CPNE9: variants seen among roughly 807,000 people sequenced by gnomAD.
The protein encoded by CPNE9 is copine-9.
CPNE9 carries 59 observed loss-of-function variants against 83.0 expected under a neutral mutation model. That is an observed-to-expected ratio of 0.71 (90% CI 0.58 to 0.88). CPNE9 has a LOEUF of 0.88. Ranked by LOEUF, CPNE9 falls within the 40% of genes least tolerant of loss-of-function variation. The pLI is 0.00. For missense variants in CPNE9, 619 were observed against 720.8 expected, an observed-to-expected ratio of 0.86 and a Z score of 1.62; for synonymous variants, 256 against 273.4, an observed-to-expected ratio of 0.94 and a Z score of 0.63.
rs199885605 is a variant in CPNE9 at position 9,727,143 on chromosome 3, G to A, written c.1433G>A (p.Arg478His). The A allele has an allele frequency of 8.3e-4, 1,335 of 1,614,204 alleles. 1 individual carries two copies. Among genetic ancestry groups the A allele is most frequent in the Middle Eastern group, 1.2e-3 (7 of 6,062 alleles). ...AMEELDGDDV[R>H]VSSRGRYAER... ...GAAGAGTTGGACGGTGATGATGTGC[G>A]CGTGTCCTCTAGGGGACGCTACGCA... Residue 478 changes from arginine (R) to histidine (H), a missense_variant, in exon 20 of 21, where the codon CGC becomes CAC. This residue lies in a region of CPNE9 where 438 missense variants were observed against 562.9 expected (regional missense o/e 0.78). Transcript: ENST00000383832.
intron 15 of CPNE9, 137 bp from the exon 16 acceptor site, chr3:9,717,888 ATGAT>A: frequency 1.5e-6 from 1 of 658,594 alleles, no homozygotes; most frequent in Non-Finnish European, 2.5e-6. Context: ...GAACAAATGG[ATGAT>A]TGGGTAAAAT....
In CPNE9 at chr3:9,725,983, T is replaced by A. The variant is rs749713464; in HGVS notation, c.1276T>A (p.Tyr426Asn). ...CAAGATCTCTGATGGCTCCCAGTAC[T>A]ATGTTCTGCTCATCATCACTGATGG... ...AAKISDGSQY[Y>N]VLLIITDGVI... The change falls in exon 18 of 21, where the codon TAT (tyrosine) becomes AAT (asparagine). Residue 426 changes from tyrosine (Y) to asparagine (N), a missense_variant. Coordinates refer to ENST00000383832, the MANE Select transcript of CPNE9 (RefSeq NM_153635.3). 4.3e-6 allele frequency: 7 copies of A among 1,613,500 alleles called. No individual in the cohort carries two copies. The highest frequency in any genetic ancestry group is 5.9e-6 in the Non-Finnish European group (7 of 1,179,642).
At chr3:9,719,641 G>A (rs1011253884) in intron 17 of CPNE9, among the ~76,000 whole-genome samples, 1 of 152,112 alleles carries the variant, frequency 6.6e-6, no homozygotes, top group African/African-American at 2.4e-5. Flanking sequence ...CATGGTACAT[G>A]CTCCATAAAT....
chr3:9,725,009 G>A (rs572832784), intron 17 of CPNE9, among the ~76,000 whole-genome samples: 13 of 151,844 alleles, frequency 8.6e-5, no homozygotes, highest in African/African-American at 2.4e-4. Context: ...CGCCCACCTC[G>A]GCCTCCCAAA....
chr3:9,717,025 C>T (rs2076689946), intron 14 of CPNE9, 33 bp from the exon 15 acceptor site: 1 of 1,609,254 alleles, frequency 6.2e-7, no homozygotes, highest in South Asian at 1.1e-5. Flanking sequence ...ATCATTAGTT[C>T]CTCACTTCTC....
At position 9,704,008 on chromosome 3, in the gene CPNE9, C is replaced by T. The variant is rs752238745; in HGVS notation, c.12C>T (p.Gly4=). 2 of 1,606,428 alleles carry T rather than the reference C, an allele frequency of 1.2e-6. No homozygotes were observed. The highest frequency in any genetic ancestry group is 1.7e-6 in the Non-Finnish European group (2 of 1,178,190). ...TCGCCCGACCAGCCATGTCTCTCGG[C>T]GGAGCCTCCGAGCGCAGCGTCCCGG... MSL[G]GASERSVPAT... is the part of the protein sequence containing the mutation. The change falls in exon 1 of 21, where the codon GGC becomes GGT. Residue 4 remains glycine, a synonymous_variant. Coordinates refer to ENST00000383832, the MANE Select transcript of CPNE9 (RefSeq NM_153635.3). This position sits in a 1 kb window ranked among gnomAD's most constrained non-coding sequence, Gnocchi z 7.1.
At chr3:9,705,631 G>C in intron 5 of CPNE9, 87 bp from the exon 6 acceptor site, 1 of 1,578,484 alleles carries the variant, frequency 6.3e-7, no homozygotes, top group Non-Finnish European at 8.7e-7. Context: ...CACCCTCCTG[G>C]TCCCTCTCCT....
intron 7 of CPNE9, among the ~76,000 whole-genome samples, chr3:9,711,585 A>G (rs1298796505): frequency 6.6e-6 from 1 of 152,204 alleles, no homozygotes; most frequent in Non-Finnish European, 1.5e-5. Context: ...AGATCAAAGG[A>G]GCCAAAGAAA....
chr3:9,729,614 T>A lies in CPNE9; in HGVS notation c.1584T>A (p.Tyr528Ter). ...LAEIPEQLLS[Y>*]MRTRDIQPRP... ...AGATCCCGGAGCAGCTGCTGTCCTA[T>A]ATGCGCACCAGAGACATCCAGCCTC... Residue 528 changes from tyrosine (Y) to a stop codon, truncating the protein, a stop_gained, in exon 21 of 21, where the codon TAT becomes TAA. Transcript: ENST00000383832. LOFTEE classifies it high-confidence loss of function. 1.9e-6 allele frequency: 3 copies of A among 1,614,090 alleles called. No homozygotes were observed. The highest frequency in any genetic ancestry group is 2.5e-6 in the Non-Finnish European group (3 of 1,180,012).
Position 9,712,840 on chromosome 3 carries a change from C to A in CPNE9, c.545+12C>A. The stretch of plus-strand genomic sequence containing the variant: ...AATGAGGATGGCACGTGAGTCACTG[C>A]CATCAGGGCTGTTAGGCTGGGGTGG... On this transcript the variant is annotated intron_variant, in intron 9 of 20. Coordinates refer to ENST00000383832, the MANE Select transcript of CPNE9 (RefSeq NM_153635.3). The A allele has an allele frequency of 6.2e-7, 1 of 1,608,876 alleles. No individual in the cohort carries two copies. The highest frequency in any genetic ancestry group is 8.5e-7 in the Non-Finnish European group (1 of 1,175,448).
Position 9,704,559 on chromosome 3 carries a change from A to T in CPNE9, c.69-28A>T. The T allele has an allele frequency of 6.2e-7, 1 of 1,604,464 alleles. No homozygotes were observed. The highest frequency in any genetic ancestry group is 8.5e-7 in the Non-Finnish European group (1 of 1,171,748). On this transcript the variant is annotated intron_variant, in intron 1 of 20. Transcript: ENST00000383832. This position sits in a 1 kb window ranked among gnomAD's most constrained non-coding sequence, Gnocchi z 7.1. The stretch of plus-strand genomic sequence containing the variant: ...AGGCGGGCGGACTCCAGGATGATCC[A>T]CTCTGTCTGTCTGTTGCTTTTCTCT...
intron 10 of CPNE9, among the ~76,000 whole-genome samples, chr3:9,713,773 T>G (rs1273190520): frequency 6.6e-6 from 1 of 151,916 alleles, no homozygotes; most frequent in Non-Finnish European, 1.5e-5. Context: ...ATGGGTAGTA[T>G]AAAGACAGAT....
At position 9,706,291 on chromosome 3, in the gene CPNE9, G is replaced by GTT. The variant is rs2076564472; in HGVS notation, c.377+230_377+231dup. On this transcript the variant is annotated intron_variant, in intron 7 of 20. Transcript: ENST00000383832. ...TTTTTTTTTTTCTCTCTCTCTCTCT[G>GTT]TTTCTCTCTCTCTCTCCTCACTCTT... Among the ~76,000 whole-genome samples the GTT allele has an allele frequency of 3.4e-5, 5 of 145,098 alleles. No homozygotes were observed. In the East Asian group the frequency reaches 5.9e-4, roughly 17 times the overall value.
intron 7 of CPNE9, among the ~76,000 whole-genome samples, chr3:9,707,647 T>C (rs2076577636): frequency 6.7e-6 from 1 of 150,220 alleles, no homozygotes; most frequent in Non-Finnish European, 1.5e-5. Context: ...AAGCCAGGCA[T>C]GGTGGTGTGC....
At chr3:9,719,543 A>C (rs2076716391) in intron 17 of CPNE9, among the ~76,000 whole-genome samples, 1 of 152,206 alleles carries the variant, frequency 6.6e-6, no homozygotes, top group Admixed American at 6.5e-5. Context: ...GTGGTGTCAT[A>C]ATGGATGACA....
chr3:9,704,001 C>T lies in CPNE9; in HGVS notation c.5C>T (p.Ser2Phe), dbSNP rs1335386439. MSLGGASERSVP... is the reference protein window; with the variant it reads MFLGGASERSVP... ...GCTCTGGTCGCCCGACCAGCCATGT[C>T]TCTCGGCGGAGCCTCCGAGCGCAGC... The change falls in exon 1 of 21, where the codon TCT becomes TTT. Residue 2 changes from serine to phenylalanine, a missense_variant. Ser to Phe is a radical substitution (Grantham distance 155, BLOSUM62 -2). Coordinates refer to ENST00000383832, the MANE Select transcript of CPNE9 (RefSeq NM_153635.3). This position sits in a 1 kb window ranked among gnomAD's most constrained non-coding sequence, Gnocchi z 7.1. 6.2e-7 allele frequency: 1 copy of T among 1,605,692 alleles called. No individual in the cohort carries two copies.
At chr3:9,720,824 T>C (rs760621008) in intron 17 of CPNE9, among the ~76,000 whole-genome samples, 2 of 152,192 alleles carry the variant, frequency 1.3e-5, no homozygotes. Context: ...CAATGCACCA[T>C]TGAGTGTGGT....
intron 15 of CPNE9, among the ~76,000 whole-genome samples, chr3:9,717,467 G>A (rs1221269609): frequency 6.6e-6 from 1 of 152,164 alleles, no homozygotes; most frequent in Non-Finnish European, 1.5e-5. Context: ...TAGATGCATC[G>A]ATGGGTATGT....
chr3:9,726,987 T>A, intron 19 of CPNE9, 126 bp from the exon 20 acceptor site: 1 of 996,184 alleles, frequency 1.0e-6, no homozygotes. Context: ...AAGACTGATA[T>A]TTGTAGGACT....
Sources: allele counts gnomAD v4.1 joint callset (sites outside exome capture counted in the v4.1 genomes callset), GRCh38; gene constraint gnomAD v4.1.1; regional missense constraint gnomAD v4.1.1; non-coding constraint Gnocchi (gnomAD v3.1); transcripts MANE v1.5; gene names NCBI Gene and HGNC (gene_info 2026-07-23, HGNC 2026-07-21).